Variants in RNF150 observed in about 807,000 individuals in gnomAD.
RNF150 encodes the protein ring finger protein 150.
A neutral mutation model predicts 39.3 loss-of-function variants in RNF150; 24 were observed. That is an observed-to-expected ratio of 0.61 (90% CI 0.44 to 0.86). The LOEUF is 0.86. Among genes scored for constraint, RNF150 ranks in the 40% least tolerant of loss-of-function variants. The pLI is 0.00. For synonymous variants in RNF150, 255 were observed against 227.3 expected (o/e 1.12, Z -1.10); for missense variants, 502 against 587.8 (o/e 0.85, Z 1.51).
chr4:141,101,484 C>T (rs1739008198), intron 1 of RNF150, among the ~76,000 whole-genome samples: 1 of 152,008 alleles, frequency 6.6e-6, no homozygotes, highest in African/African-American at 2.4e-5. Flanking sequence ...GATGACAATG[C>T]CTTCTTCTGG....
chr4:141,064,874 T>C (rs1737391450), intron 1 of RNF150, among the ~76,000 whole-genome samples: 1 of 152,130 alleles, frequency 6.6e-6, no homozygotes, highest in Non-Finnish European at 1.5e-5. Flanking sequence ...TGTTTGTTTG[T>C]TTGTTTTTGA....
chr4:141,162,080 GAC>G (rs1727522648), intron 1 of RNF150, among the ~76,000 whole-genome samples: 1 of 152,182 alleles, frequency 6.6e-6, no homozygotes, highest in Non-Finnish European at 1.5e-5. Flanking sequence ...TAGAGCCCTT[GAC>G]AGTTTGCACC....
chr4:140,936,422 C>T lies in RNF150; in HGVS notation c.891-10349G>A, dbSNP rs144851032. Among the ~76,000 whole-genome samples, 404 of 152,140 alleles carry T rather than the reference C, an allele frequency of 2.7e-3. 1 individual carries two copies. Among genetic ancestry groups the T allele is most frequent in the African/African-American group, 9.0e-3 (374 of 41,524 alleles). On this transcript the variant is annotated intron_variant, in intron 4 of 6. Coordinates refer to ENST00000515673, the MANE Select transcript of RNF150 (RefSeq NM_020724.2). ...TACACTGCATAACTTTTAATTTGGC[C>T]AAGTATATAAAATTCTGTTCTTGGA...
chr4:141,106,794 C>CA (rs1254534540), intron 1 of RNF150, among the ~76,000 whole-genome samples: 2 of 151,028 alleles, frequency 1.3e-5, no homozygotes, highest in Non-Finnish European at 3.0e-5. Flanking sequence ...AATTCCATCT[C>CA]AAAAAAAATA....
intron 1 of RNF150, among the ~76,000 whole-genome samples, chr4:141,001,693 G>A (rs1232919989): frequency 6.6e-6 from 1 of 152,012 alleles, no homozygotes; most frequent in African/African-American, 2.4e-5. Context: ...TGTATTAGAT[G>A]TAAGCACAAA....
intron 1 of RNF150, among the ~76,000 whole-genome samples, chr4:140,972,928 C>G (rs1579017400): frequency 6.6e-6 from 1 of 152,092 alleles, no homozygotes; most frequent in South Asian, 2.1e-4. Flanking sequence ...CAGGATGAGC[C>G]AACATTGTAA....
chr4:141,204,446 G>T (rs956421706), intron 1 of RNF150, among the ~76,000 whole-genome samples: 1 of 152,132 alleles, frequency 6.6e-6, no homozygotes, highest in African/African-American at 2.4e-5. Context: ...TAGACAAAAA[G>T]ATAAAATTCC....
At chr4:140,900,432 T>C (rs1730148683) in intron 6 of RNF150, among the ~76,000 whole-genome samples, 1 of 146,408 alleles carries the variant, frequency 6.8e-6, no homozygotes, top group Non-Finnish European at 1.5e-5. Flanking sequence ...TAATTTTATA[T>C]GAGATCATGG....
intron 1 of RNF150, among the ~76,000 whole-genome samples, chr4:141,017,285 G>C (rs1201295173): frequency 6.6e-6 from 1 of 152,010 alleles, no homozygotes; most frequent in Non-Finnish European, 1.5e-5. Flanking sequence ...TTAGTCACAG[G>C]CTTAAGATTT....
At chr4:141,184,101 T>G (rs1383459603) in intron 1 of RNF150, among the ~76,000 whole-genome samples, 3 of 152,236 alleles carry the variant, frequency 2.0e-5, no homozygotes, top group African/African-American at 7.2e-5. Context: ...CCACAATGGT[T>G]GAACTAATTT....
intron 1 of RNF150, among the ~76,000 whole-genome samples, chr4:140,989,147 C>T (rs775881162): frequency 5.3e-5 from 8 of 152,104 alleles, no homozygotes; most frequent in African/African-American, 7.2e-5. Context: ...CTGTGGTACA[C>T]GGAAGCTGGT....
intron 1 of RNF150, among the ~76,000 whole-genome samples, chr4:141,052,962 T>G (rs552489595): frequency 1.1e-4 from 17 of 152,184 alleles, no homozygotes; most frequent in African/African-American, 4.1e-4. Flanking sequence ...CTCTCAGACA[T>G]GTACATGGCT....
chr4:141,006,255 TATATAC>T (rs555164958), intron 1 of RNF150, among the ~76,000 whole-genome samples: 199 of 150,534 alleles, frequency 1.3e-3, no homozygotes, highest in African/African-American at 4.4e-3. Context: ...TATACATACA[TATATAC>T]GTATATATAT....
chr4:140,881,735 G>A (rs113882427), intron 6 of RNF150, among the ~76,000 whole-genome samples: 3,259 of 152,140 alleles, frequency 0.021, 132 homozygotes, highest in African/African-American at 0.069. Context: ...AAGCAAAAGA[G>A]CCAAGTGTAG....
chr4:141,155,100 T>G (rs1407969198), intron 1 of RNF150, among the ~76,000 whole-genome samples: 1 of 151,956 alleles, frequency 6.6e-6, no homozygotes, highest in African/African-American at 2.4e-5. Flanking sequence ...TTTTATTTTA[T>G]TTTGAGACAG....
At chr4:141,046,666 A>G (rs1167902983) in intron 1 of RNF150, among the ~76,000 whole-genome samples, 1 of 152,134 alleles carries the variant, frequency 6.6e-6, no homozygotes, top group Non-Finnish European at 1.5e-5. Context: ...GGTTTTTGCC[A>G]GCTGAGGATT....
chr4:141,088,998 C>T (rs1196379308), intron 1 of RNF150, among the ~76,000 whole-genome samples: 1 of 152,164 alleles, frequency 6.6e-6, no homozygotes, highest in African/African-American at 2.4e-5. Context: ...CTAGGAAACA[C>T]TCAGATGAAT....
rs1410159709 is a variant in RNF150, at chr4:141,203,253, C to T, written c.-6+9541G>A. ...TCTTGGAGATATATAATCTTGGAGA[C>T]GATATATATATCTTGGAGATATATA... On this transcript the variant is annotated intron_variant, in intron 1 of 7. Coordinates refer to the RNF150 transcript ENST00000420921. Among the ~76,000 whole-genome samples, 144 of 94,070 alleles carry T rather than the reference C, an allele frequency of 1.5e-3. 1 individual carries two copies. The highest frequency in any genetic ancestry group is 6.0e-3 in the African/African-American group (139 of 23,242). 61.7% of individuals were successfully genotyped at this position (94,070 alleles called of 152,430 possible). A position where few individuals can be genotyped will look rare whatever the true frequency, so the allele number is the denominator to read the frequency against.
intron 6 of RNF150, among the ~76,000 whole-genome samples, chr4:140,878,567 T>TA (rs1729258023): frequency 6.6e-6 from 1 of 152,202 alleles, no homozygotes; most frequent in African/African-American, 2.4e-5. Context: ...TTAGGAAAAT[T>TA]ATCTATTCAA....
Sources: allele counts gnomAD v4.1 joint callset (sites outside exome capture counted in the v4.1 genomes callset), GRCh38; gene constraint gnomAD v4.1.1; transcripts MANE v1.5; gene names NCBI Gene and HGNC (gene_info 2026-07-23, HGNC 2026-07-21).